The following NPHP1 variants were observed in gnomAD, a reference collection of about 807,000 sequenced individuals.
The protein encoded by NPHP1 is nephrocystin-1.
Under a neutral mutation model 90.4 loss-of-function variants are expected in NPHP1, and 70 were observed. The observed-to-expected ratio is 0.77, with a 90% CI of 0.64 to 0.95. The LOEUF is 0.95. NPHP1 is among the 40% of genes least tolerant of loss of function. NPHP1 has a pLI of 0.00. For missense variants in NPHP1, 764 were observed against 795.9 expected (o/e 0.96, Z 0.48); for synonymous variants, 256 against 271.7 (o/e 0.94, Z 0.57).
rs983326484 is a variant in NPHP1, at chr2:110,165,036, T to C, written c.728+16A>G. 6.3e-7 allele frequency: 1 copy of C among 1,590,594 alleles called. No individual in the cohort carries two copies. ...GTTTCCTAAACCTACTTTGATATCC[T>C]TTCCCACTTTTGTACCTTTGCTTAA... On this transcript the variant is annotated intron_variant, in intron 7 of 19. Coordinates refer to ENST00000445609, the MANE Select transcript of NPHP1 (RefSeq NM_001128178.3).
At chr2:110,168,402 AG>A (rs770638957) in intron 6 of NPHP1, 49 bp downstream of exon 6, 1 of 1,121,696 alleles carries the variant, frequency 8.9e-7, no homozygotes, top group African/African-American at 1.6e-5. Flanking sequence ...TTTTATTAAA[AG>A]CGAAAAAAAA....
At chr2:110,190,227 C>T (rs770134381) in intron 2 of NPHP1, among the ~76,000 whole-genome samples, 14 of 152,204 alleles carry the variant, frequency 9.2e-5, no homozygotes, top group African/African-American at 1.2e-4. Flanking sequence ...CCACACCGTG[C>T]GCCCGCACTC....
At chr2:110,155,341 G>A (rs559431558) in intron 11 of NPHP1, among the ~76,000 whole-genome samples, 13 of 152,270 alleles carry the variant, frequency 8.5e-5, no homozygotes, top group African/African-American at 1.4e-4. Flanking sequence ...AGGGAAGTGC[G>A]AAAGGGAAAT....
At chr2:110,168,762 A>G (rs191638428) in intron 5 of NPHP1, among the ~76,000 whole-genome samples, 49 of 152,258 alleles carry the variant, frequency 3.2e-4, no homozygotes, top group African/African-American at 9.4e-4. Context: ...GACATAGTTT[A>G]ATGAATCATT....
chr2:110,184,488 C>T, intron 2 of NPHP1: 1 of 928,564 alleles, frequency 1.1e-6, no homozygotes, highest in Non-Finnish European at 1.7e-6. Flanking sequence ...GTAAGCTGTG[C>T]TCAGCCTTTA....
chr2:110,157,173 T>A (rs963338728), intron 11 of NPHP1, among the ~76,000 whole-genome samples: 4 of 152,128 alleles, frequency 2.6e-5, no homozygotes, highest in Non-Finnish European at 4.4e-5. Context: ...GTTCCATAAC[T>A]CTCAATTTGG....
chr2:110,167,529 C>T (rs1345999712), intron 6 of NPHP1, among the ~76,000 whole-genome samples: 3 of 152,146 alleles, frequency 2.0e-5, no homozygotes, highest in Admixed American at 6.5e-5. Context: ...CCAGAGAGTG[C>T]ATGCCAGCCA....
chr2:110,144,626 G>T, intron 14 of NPHP1, 57 bp from the exon 15 acceptor site: 1 of 975,292 alleles, frequency 1.0e-6, no homozygotes, highest in Non-Finnish European at 1.7e-6. Flanking sequence ...AGAAAACACT[G>T]GAGTCAGTAG....
At chr2:110,149,789 C>A (rs946389931) in intron 12 of NPHP1, among the ~76,000 whole-genome samples, 2 of 152,178 alleles carry the variant, frequency 1.3e-5, no homozygotes, top group Admixed American at 6.5e-5. Flanking sequence ...CACCTAATGC[C>A]ATTCCAGTCT....
At chr2:110,129,795 C>A (rs2104430993) in intron 17 of NPHP1, among the ~76,000 whole-genome samples, 1 of 152,228 alleles carries the variant, frequency 6.6e-6, no homozygotes, top group South Asian at 2.1e-4. Flanking sequence ...GCCATATGAC[C>A]AAACACAGTG....
intron 15 of NPHP1, 53 bp from the exon 16 acceptor site, chr2:110,143,694 G>A: frequency 5.8e-6 from 7 of 1,206,622 alleles, no homozygotes; most frequent in Non-Finnish European, 8.6e-6. Context: ...TTGAGACAGT[G>A]AGTATAATAA....
chr2:110,184,458 C>A, intron 2 of NPHP1: 1 of 737,460 alleles, frequency 1.4e-6, no homozygotes, highest in Non-Finnish European at 2.3e-6. Context: ...CTTCAATGTG[C>A]CTGCTATTTT....
chr2:110,199,628 C>G (rs946177588), intron 2 of NPHP1, among the ~76,000 whole-genome samples: 2 of 151,446 alleles, frequency 1.3e-5, no homozygotes, highest in South Asian at 2.1e-4. Context: ...CCACATCCCC[C>G]CAAAAAAACA....
rs1408606648 is a variant in NPHP1, at chr2:110,169,976, C to T, written c.352G>A (p.Glu118Lys). 6.2e-7 allele frequency: 1 copy of T among 1,612,264 alleles called. No individual in the cohort carries two copies. The highest frequency in any genetic ancestry group is 1.1e-5 in the South Asian group (1 of 91,030). The change falls in exon 5 of 20, where the codon GAG becomes AAG. Residue 118 changes from glutamate (E) to lysine (K), a missense_variant. Coordinates refer to ENST00000445609, the MANE Select transcript of NPHP1 (RefSeq NM_001128178.3). ...ITEVGAPTEE[E>K]EESESEDSED... ...CTATCTTCACTTTCACTTTCTTCCTCTTCTTCAGTAGGTGCCCCAACTCTA... is the reference window on the plus strand; with the variant it reads ...CTATCTTCACTTTCACTTTCTTCCTTTTCTTCAGTAGGTGCCCCAACTCTA...
Position 110,131,791 on chromosome 2 carries a change from A to T in NPHP1, c.1530T>A (p.Ser510Arg). ...TTCCAATTAATGTTTCTGGCAGTAGACTATTAAAGAAGAAAAAAATGTATT... is the reference window on the plus strand; with the variant it reads ...TTCCAATTAATGTTTCTGGCAGTAGTCTATTAAAGAAGAAAAAAATGTATT... The part of the protein sequence containing the change: ...SLNRRSRNVL[S>R]LLPETLIGNM... The change falls in exon 17 of 20, where the codon AGT becomes AGA. Residue 510 changes from serine to arginine, a missense_variant and splice_region_variant. Coordinates refer to ENST00000445609, the MANE Select transcript of NPHP1 (RefSeq NM_001128178.3). The T allele has an allele frequency of 1.9e-6, 3 of 1,561,162 alleles. No individual in the cohort carries two copies. The highest frequency in any genetic ancestry group is 1.8e-6 in the Non-Finnish European group (2 of 1,132,402).
Position 110,138,208 on chromosome 2 carries a change from T to C in NPHP1, c.1529+5334A>G, listed in dbSNP as rs962084933. Among the ~76,000 whole-genome samples the C allele has an allele frequency of 2.6e-5, 4 of 152,042 alleles. No homozygotes were observed. In the East Asian group the frequency reaches 7.7e-4, roughly 29 times the overall value. On this transcript the variant is annotated intron_variant, in intron 16 of 19. Transcript: ENST00000445609. ...GTGGGGGAGGGATAGCATTAGGAGATATACCTAATGTTAAATGATGAGTTA... is the reference window on the plus strand; with the variant it reads ...GTGGGGGAGGGATAGCATTAGGAGACATACCTAATGTTAAATGATGAGTTA...
intron 5 of NPHP1, 85 bp downstream of exon 5, chr2:110,169,720 TA>T (rs1682976923): frequency 1.1e-6 from 1 of 871,920 alleles, no homozygotes; most frequent in Non-Finnish European, 2.0e-6. Context: ...TAAGAATCTG[TA>T]ATACAGGTGT....
intron 18 of NPHP1, chr2:110,126,376 C>T (rs1024779084): frequency 2.0e-5 from 3 of 152,658 alleles, no homozygotes; most frequent in Non-Finnish European, 1.5e-5. Flanking sequence ...AAGCATCAGA[C>T]CTTTCTCAGC....
At chr2:110,188,061 A>C (rs1376809149) in intron 2 of NPHP1, among the ~76,000 whole-genome samples, 1 of 152,216 alleles carries the variant, frequency 6.6e-6, no homozygotes, top group African/African-American at 2.4e-5. Context: ...CCAATATCAT[A>C]CTGAATGGGC....
Sources: allele counts gnomAD v4.1 joint callset (sites outside exome capture counted in the v4.1 genomes callset), GRCh38; gene constraint gnomAD v4.1.1; transcripts MANE v1.5; gene names NCBI Gene and HGNC (gene_info 2026-07-23, HGNC 2026-07-21).